UNC79: variants seen among roughly 807,000 people sequenced by gnomAD.
The protein encoded by UNC79 is unc-79 subunit of NALCN channel complex.
A neutral mutation model predicts 283.1 loss-of-function variants in UNC79; 37 were observed. The ratio of observed to expected loss-of-function variants is 0.13; its 90% CI spans 0.10 to 0.17. The LOEUF is 0.17. Ranked by LOEUF, UNC79 falls within the 10% of genes least tolerant of loss-of-function variation. UNC79 has a pLI of 1.00. For missense variants in UNC79, 2,272 were observed against 3,211.1 expected (o/e 0.71, Z 7.07); for synonymous variants, 1,107 against 1,200.2 (o/e 0.92, Z 1.61).
chr14:93,348,777 C>T (rs2053921410), intron 1 of UNC79, among the ~76,000 whole-genome samples: 2 of 152,210 alleles, frequency 1.3e-5, no homozygotes, highest in African/African-American at 2.4e-5. Context: ...CATAGTTCAA[C>T]TCTGAGTCTT....
intron 15 of UNC79, 141 bp from the exon 16 acceptor site, chr14:93,572,552 T>G: frequency 8.3e-7 from 1 of 1,208,564 alleles, no homozygotes; most frequent in Non-Finnish European, 1.1e-6. Flanking sequence ...TAAAGTGAAA[T>G]ATGCTGATAA....
chr14:93,447,320 T>C (rs746781447), intron 1 of UNC79, among the ~76,000 whole-genome samples: 6 of 152,158 alleles, frequency 3.9e-5, no homozygotes, highest in Non-Finnish European at 7.4e-5. Context: ...GACTGAGCAA[T>C]TATTATGTAC....
chr14:93,373,407 GAAA>G (rs1048200212), intron 1 of UNC79, among the ~76,000 whole-genome samples: 1 of 145,232 alleles, frequency 6.9e-6, no homozygotes, highest in Non-Finnish European at 1.5e-5. Context: ...GGCTATCTGA[GAAA>G]AAAAAAAGAG....
intron 34 of UNC79, 102 bp downstream of exon 37, chr14:93,643,799 G>T (rs1163044594): frequency 3.4e-6 from 5 of 1,477,164 alleles, no homozygotes; most frequent in Non-Finnish European, 4.5e-6. Flanking sequence ...CAGCCACCTT[G>T]TAGATACTGG....
chr14:93,341,449 C>A (rs1329576611), intron 1 of UNC79, among the ~76,000 whole-genome samples: 1 of 151,706 alleles, frequency 6.6e-6, no homozygotes, highest in Non-Finnish European at 1.5e-5. Context: ...AACTGTGAAA[C>A]TCCGTCTCAA....
chr14:93,340,398 C>T (rs112229338), intron 1 of UNC79, among the ~76,000 whole-genome samples: 10,643 of 144,730 alleles, frequency 0.074, 814 homozygotes, highest in African/African-American at 0.19. Flanking sequence ...GCAGAGATTG[C>T]GCCACTGCAC....
At chr14:93,376,492 A>C (rs1392475029) in intron 1 of UNC79, among the ~76,000 whole-genome samples, 1 of 152,202 alleles carries the variant, frequency 6.6e-6, no homozygotes, top group Non-Finnish European at 1.5e-5. Flanking sequence ...TATCCTATAC[A>C]CATATACACA....
chr14:93,446,291 C>T (rs545398578), intron 1 of UNC79, among the ~76,000 whole-genome samples: 13 of 152,208 alleles, frequency 8.5e-5, no homozygotes, highest in Non-Finnish European at 1.5e-4. Flanking sequence ...CTGCTTTAGG[C>T]GCATTCCACC....
chr14:93,507,064 A>G (rs772492023), intron 7 of UNC79, among the ~76,000 whole-genome samples: 1 of 152,192 alleles, frequency 6.6e-6, no homozygotes, highest in African/African-American at 2.4e-5. Context: ...AGATTAGTCC[A>G]TGTTAGTGGA....
chr14:93,349,062 C>G (rs1476769091), intron 1 of UNC79, among the ~76,000 whole-genome samples: 1 of 152,204 alleles, frequency 6.6e-6, no homozygotes, highest in Non-Finnish European at 1.5e-5. Context: ...CAGCTTCACT[C>G]CTGAAGCCAG....
intron 41 of UNC79, among the ~76,000 whole-genome samples, chr14:93,680,017 T>C (rs1165820876): frequency 1.3e-5 from 2 of 152,254 alleles, no homozygotes; most frequent in African/African-American, 4.8e-5. Flanking sequence ...ATATGCTGGA[T>C]GACAATGCAT....
chr14:93,696,350 G>A (rs1353537467), intron 47 of UNC79, among the ~76,000 whole-genome samples: 1 of 152,202 alleles, frequency 6.6e-6, no homozygotes, highest in Non-Finnish European at 1.5e-5. Flanking sequence ...TCTGGGCCAT[G>A]TGACAGATGT....
rs1566794325 is a variant in UNC79, at chr14:93,621,602, C to T, written c.4388-19C>T. 7.9e-6 allele frequency: 12 copies of T among 1,520,592 alleles called. No homozygotes were observed. Among genetic ancestry groups the T allele is most frequent in the Non-Finnish European group, 9.7e-6 (11 of 1,137,584 alleles). 94.2% of individuals were successfully genotyped at this position (1,520,592 alleles called of 1,614,324 possible). ...AAATCTCCAAGTAAAATAGTACTAG[C>T]TTTTTCTGTTTTGATCAGGTGAAAT... On this transcript the variant is annotated intron_variant, in intron 29 of 48. Transcript: ENST00000555664. This position sits in a 1 kb window ranked among gnomAD's most constrained non-coding sequence, Gnocchi z 4.8.
At chr14:93,528,580 C>T in exon 9 of UNC79, 1 of 1,613,896 alleles carries the variant, frequency 6.2e-7, no homozygotes, top group Non-Finnish European at 8.5e-7. Flanking sequence ...CCTTCCCTGT[C>T]AGTAGCGTTG....
chr14:93,499,515 A>G (rs1595660523), intron 7 of UNC79, among the ~76,000 whole-genome samples: 1 of 152,224 alleles, frequency 6.6e-6, no homozygotes, highest in East Asian at 1.9e-4. Flanking sequence ...CAGGGAACTT[A>G]CTACAATCTA....
At chr14:93,691,990 G>A in intron 46 of UNC79, 44 bp downstream of exon 49, 1 of 1,592,766 alleles carries the variant, frequency 6.3e-7, no homozygotes, top group Non-Finnish European at 8.6e-7. Context: ...GAATCTCAAA[G>A]TGTCCACACC....
chr14:93,575,456 G>C (rs990365693), intron 17 of UNC79, among the ~76,000 whole-genome samples: 1 of 152,058 alleles, frequency 6.6e-6, no homozygotes, highest in Non-Finnish European at 1.5e-5. Flanking sequence ...GTAGCTTTTT[G>C]GTAACATTCC....
At chr14:93,464,206 C>T (rs1475050953) in intron 1 of UNC79, among the ~76,000 whole-genome samples, 1 of 152,176 alleles carries the variant, frequency 6.6e-6, no homozygotes, top group African/African-American at 2.4e-5. Context: ...TTAGTTTGCT[C>T]CAGCTGCCAT....
chr14:93,407,203 T>G (rs1452732898), intron 1 of UNC79, among the ~76,000 whole-genome samples: 5 of 152,130 alleles, frequency 3.3e-5, no homozygotes, highest in Non-Finnish European at 5.9e-5. Context: ...TATCTCCAAA[T>G]AAGGTCACCT....
Sources: allele counts gnomAD v4.1 joint callset (sites outside exome capture counted in the v4.1 genomes callset), GRCh38; gene constraint gnomAD v4.1.1; non-coding constraint Gnocchi (gnomAD v3.1); transcripts MANE v1.5; gene names NCBI Gene and HGNC (gene_info 2026-07-23, HGNC 2026-07-21).